NAA15: variants seen among roughly 807,000 people sequenced by gnomAD.
The protein encoded by NAA15 is N-alpha-acetyltransferase 15, NatA auxiliary subunit, also known as N-terminal acetyltransferase.
In NAA15, 34 loss-of-function variants were observed where a neutral mutation model predicts 114.0. That is an observed-to-expected ratio of 0.30 (90% confidence interval 0.23 to 0.40). The LOEUF (loss-of-function observed/expected upper bound fraction) is 0.40, where lower values mean the gene tolerates loss of function less well. Ranked by LOEUF, NAA15 falls within the 10% of genes least tolerant of loss-of-function variation. NAA15 has a pLI of 1.00. For synonymous variants in NAA15, 340 were observed against 338.0 expected (o/e 1.01, Z -0.06); for missense variants, 658 against 1,004.5 (o/e 0.66, Z 4.66).
chr4:139,307,755 G>A (rs1315128670), intron 1 of NAA15, among the ~76,000 whole-genome samples: 2 of 152,098 alleles, frequency 1.3e-5, no homozygotes, highest in Admixed American at 6.5e-5. Context: ...TTTTTATTAA[G>A]CAAACAGACT....
intron 17 of NAA15, among the ~76,000 whole-genome samples, chr4:139,381,192 A>G (rs549355162): frequency 1.3e-5 from 2 of 152,278 alleles, no homozygotes; most frequent in African/African-American, 4.8e-5. Flanking sequence ...ATATAGGAGC[A>G]CTGTCTTTTT....
chr4:139,365,226 C>T (rs184860684), intron 14 of NAA15, among the ~76,000 whole-genome samples: 12 of 152,048 alleles, frequency 7.9e-5, no homozygotes, highest in African/African-American at 1.7e-4. Flanking sequence ...TTAGTAGAGA[C>T]GGGGTTTCTC....
At chr4:139,308,091 A>G (rs549275947) in intron 1 of NAA15, among the ~76,000 whole-genome samples, 8 of 151,836 alleles carry the variant, frequency 5.3e-5, no homozygotes, top group Non-Finnish European at 1.0e-4. Flanking sequence ...CCTCCTGAGT[A>G]GCTGAGACTA....
chr4:139,377,976 C>T (rs1218772060), intron 16 of NAA15, among the ~76,000 whole-genome samples: 2 of 152,146 alleles, frequency 1.3e-5, no homozygotes, highest in Non-Finnish European at 2.9e-5. Flanking sequence ...AGGACCCCAG[C>T]ATTTGGAATC....
At chr4:139,349,373 T>C in intron 6 of NAA15, 89 bp from the exon 7 acceptor site, 1 of 1,239,328 alleles carries the variant, frequency 8.1e-7, no homozygotes, top group East Asian at 2.6e-5. Context: ...TATAATGAGA[T>C]TTTAAGAGAA....
At chr4:139,315,430 A>G (rs1746378828) in intron 1 of NAA15, among the ~76,000 whole-genome samples, 1 of 150,732 alleles carries the variant, frequency 6.6e-6, no homozygotes. Context: ...GAGGTGGGGG[A>G]TTGCTTGAGC....
Position 139,360,003 on chromosome 4 carries a change from T to C in NAA15, c.1410+108T>C, listed in dbSNP as rs1748082830. Reference sequence around the variant, plus strand: ...TTTGTCTTTAATATTTTTGACACCGTAATAGCCAAGATTTTAATTAAATCA... The same window carrying C: ...TTTGTCTTTAATATTTTTGACACCGCAATAGCCAAGATTTTAATTAAATCA... On this transcript the variant is annotated intron_variant, in intron 12 of 19. Coordinates refer to ENST00000296543, the MANE Select transcript of NAA15 (RefSeq NM_057175.5). 18 of 994,376 alleles carry C rather than the reference T, an allele frequency of 1.8e-5. No individual in the cohort carries two copies. In the South Asian group the frequency reaches 3.3e-4, roughly 18 times the overall value. The allele number at this position is 994,376 out of a possible 1,614,324, so 61.6% of individuals were successfully genotyped here. A position where few individuals can be genotyped will look rare whatever the true frequency, so the allele number is the denominator to read the frequency against.
chr4:139,371,767 C>T (rs532061820), intron 15 of NAA15, among the ~76,000 whole-genome samples: 2 of 152,060 alleles, frequency 1.3e-5, no homozygotes, highest in African/African-American at 4.8e-5. Flanking sequence ...ATCTTTATGC[C>T]CCCACTTTCT....
intron 1 of NAA15, among the ~76,000 whole-genome samples, chr4:139,305,424 A>G (rs1483680354): frequency 6.6e-6 from 1 of 152,046 alleles, no homozygotes; most frequent in Non-Finnish European, 1.5e-5. Context: ...ATTTGATAGT[A>G]AGTTAGTGCT....
chr4:139,312,912 T>A (rs1313890062), intron 1 of NAA15, among the ~76,000 whole-genome samples: 1 of 151,920 alleles, frequency 6.6e-6, no homozygotes, highest in Non-Finnish European at 1.5e-5. Context: ...GTTGATGTTT[T>A]TGTTATCTGA....
intron 15 of NAA15, among the ~76,000 whole-genome samples, chr4:139,372,601 A>T (rs1006193557): frequency 6.6e-6 from 1 of 152,198 alleles, no homozygotes. Flanking sequence ...ATACTTACCA[A>T]GATTTCCAAA....
chr4:139,338,132 A>G (rs1055511453), intron 3 of NAA15, among the ~76,000 whole-genome samples: 1 of 152,204 alleles, frequency 6.6e-6, no homozygotes, highest in African/African-American at 2.4e-5. Context: ...GATGAGAGTC[A>G]GTTGTGTGGC....
rs562297375 is a variant in NAA15, at chr4:139,388,219, C to T, written c.*135C>T. On this transcript the variant is annotated 3_prime_UTR_variant, in exon 20 of 20. Coordinates refer to ENST00000296543, the MANE Select transcript of NAA15 (RefSeq NM_057175.5). ...GTTCTTGCCTTCAAATAGTGTTTTA[C>T]GTTTTTTATCCTGCTGAAAAAGTAT... The T allele has an allele frequency of 7.4e-5, 47 of 637,734 alleles. No individual in the cohort carries two copies. The highest frequency in any genetic ancestry group is 2.0e-4 in the African/African-American group (11 of 54,032). The allele number at this position is 637,734 out of a possible 1,614,324, so 39.5% of individuals were successfully genotyped here. A position where few individuals can be genotyped will look rare whatever the true frequency, so the allele number is the denominator to read the frequency against.
At chr4:139,307,976 T>TA (rs1746079340) in intron 1 of NAA15, among the ~76,000 whole-genome samples, 1 of 151,926 alleles carries the variant, frequency 6.6e-6, no homozygotes, top group African/African-American at 2.4e-5. Context: ...TTATTATTAT[T>TA]TTTTTGAGAC....
chr4:139,359,152 A>T (rs1439010593), intron 11 of NAA15, among the ~76,000 whole-genome samples: 1 of 151,790 alleles, frequency 6.6e-6, no homozygotes, highest in East Asian at 1.9e-4. Flanking sequence ...TTTTATTGAC[A>T]TGGAGTCTTA....
At chr4:139,313,896 A>G (rs1358451451) in intron 1 of NAA15, among the ~76,000 whole-genome samples, 1 of 151,856 alleles carries the variant, frequency 6.6e-6, no homozygotes, top group Non-Finnish European at 1.5e-5. Flanking sequence ...CGGGACATGG[A>G]GATTCCTAAA....
intron 3 of NAA15, among the ~76,000 whole-genome samples, chr4:139,338,020 A>G (rs1389486461): frequency 3.3e-5 from 5 of 152,206 alleles, no homozygotes; most frequent in African/African-American, 9.6e-5. Context: ...TGTTCTGCCA[A>G]TGTTTTATTA....
intron 1 of NAA15, among the ~76,000 whole-genome samples, chr4:139,317,233 C>A (rs1156543957): frequency 6.6e-6 from 1 of 151,888 alleles, no homozygotes; most frequent in African/African-American, 2.4e-5. Context: ...GTCATTTCAT[C>A]TCCTTATAAT....
In NAA15 at chr4:139,309,128, A is replaced by C. The variant is rs1746128322; in HGVS notation, c.54+7297A>C. On this transcript the variant is annotated intron_variant, in intron 1 of 19. Coordinates refer to ENST00000296543, the MANE Select transcript of NAA15 (RefSeq NM_057175.5). ...TTTGGGAGGCTGAGGCGGGTGGATCACCTGAGGTCAGGAGTTAGAGACCAG... is the reference window on the plus strand; with the variant it reads ...TTTGGGAGGCTGAGGCGGGTGGATCCCCTGAGGTCAGGAGTTAGAGACCAG... Among the ~76,000 whole-genome samples the C allele has an allele frequency of 3.3e-5, 5 of 151,384 alleles. No individual in the cohort carries two copies. The South Asian group carries it at 1.0e-3, about 32-fold the overall frequency.
Sources: allele counts gnomAD v4.1 joint callset (sites outside exome capture counted in the v4.1 genomes callset), GRCh38; gene constraint gnomAD v4.1.1; transcripts MANE v1.5; gene names NCBI Gene and HGNC (gene_info 2026-07-23, HGNC 2026-07-21).